SORD: variants seen among roughly 807,000 people sequenced by gnomAD.
SORD encodes (R,R)-butanediol dehydrogenase.
SORD carries 18 observed loss-of-function variants against 35.6 expected under a neutral mutation model. That is an observed-to-expected ratio of 0.51 (90% CI 0.35 to 0.75). SORD has a LOEUF of 0.75. Ranked by LOEUF, SORD falls within the 30% of genes least tolerant of loss-of-function variation. SORD has a pLI of 0.01. For synonymous variants in SORD, 106 were observed against 152.9 expected, an observed-to-expected ratio of 0.69 and a Z score of 2.26; for missense variants, 250 against 390.2, an observed-to-expected ratio of 0.64 and a Z score of 3.03.
At chr15:45,072,084 A>T (rs1893521583) in intron 7 of SORD, 1 of 72,182 alleles carries the variant, frequency 1.4e-5, no homozygotes, top group African/African-American at 6.4e-5. Flanking sequence ...TCCATGGGTT[A>T]AGTGTATGTT....
intron 3 of SORD, among the ~76,000 whole-genome samples, chr15:45,056,214 A>G (rs1893212076): frequency 6.6e-6 from 1 of 152,098 alleles, no homozygotes; most frequent in African/African-American, 2.4e-5. Flanking sequence ...CTGTTTGCAG[A>G]TGACATGATT....
At chr15:45,054,910 C>G (rs1893189313) in intron 3 of SORD, among the ~76,000 whole-genome samples, 1 of 152,070 alleles carries the variant, frequency 6.6e-6, no homozygotes, top group African/African-American at 2.4e-5. Flanking sequence ...GGAATCCTTT[C>G]CCCATTGTTT....
rs997507760 is a variant in SORD, at chr15:45,074,305, A to G, written c.*775A>G. ...AACATGCCCCAGCCCACCCCTAAGC[A>G]TGGTCCCTTGTCACCAGGCAACCAG... On this transcript the variant is annotated 3_prime_UTR_variant, in exon 9 of 9. Transcript: ENST00000267814. The G allele has an allele frequency of 6.8e-6, 1 of 146,494 alleles. No individual in the cohort carries two copies. The highest frequency in any genetic ancestry group is 1.5e-5 in the Non-Finnish European group (1 of 67,338). 9.1% of individuals were successfully genotyped at this position (146,494 alleles called of 1,614,324 possible).
rs1892616915 is a variant in SORD at position 45,023,226 on chromosome 15, C to T, written c.-58C>T. On this transcript the variant is annotated 5_prime_UTR_variant, in exon 1 of 9. Coordinates refer to ENST00000267814, the MANE Select transcript of SORD (RefSeq NM_003104.6). ...CTGGACCCTCGGCTGGGTAGCGCCA[C>T]CAGAGCGACCAAACGTCCCGCGCCT... 6.9e-7 allele frequency: 1 copy of T among 1,440,054 alleles called. No homozygotes were observed. The highest frequency in any genetic ancestry group is 9.3e-7 in the Non-Finnish European group (1 of 1,077,774). The allele number at this position is 1,440,054 out of a possible 1,614,324, so 89.2% of individuals were successfully genotyped here.
intron 1 of SORD, among the ~76,000 whole-genome samples, chr15:45,039,700 A>G (rs1892935019): frequency 6.6e-6 from 1 of 152,236 alleles, no homozygotes; most frequent in African/African-American, 2.4e-5. Flanking sequence ...TGGGAAGTTT[A>G]GGAAAAGAGG....
chr15:45,068,336 T>C, intron 6 of SORD, 90 bp downstream of exon 6: 4 of 935,332 alleles, frequency 4.3e-6, no homozygotes, highest in Non-Finnish European at 7.1e-6. Flanking sequence ...TCTGTGACAG[T>C]GTGGAGGGGG....
intron 3 of SORD, among the ~76,000 whole-genome samples, chr15:45,051,058 T>G (rs895175517): frequency 2.0e-5 from 3 of 152,244 alleles, no homozygotes; most frequent in Non-Finnish European, 4.4e-5. Flanking sequence ...AACCTGCATT[T>G]GAGAGCACCT....
At position 45,062,869 on chromosome 15, in the gene SORD, G is replaced by C. The variant is rs187808331; in HGVS notation, c.425+1643G>C. ...TCGCCTGTAAAATAGAAATAGTGAT[G>C]GTACCTCCCTCACAGAATTACTGAT... On this transcript the variant is annotated intron_variant, in intron 4 of 8. Transcript: ENST00000267814. Among the ~76,000 whole-genome samples, 31 of 137,404 alleles carry C rather than the reference G, an allele frequency of 2.3e-4. No homozygotes were observed. The East Asian group carries it at 5.2e-3, about 23-fold the overall frequency. The allele number at this position is 137,404 out of a possible 152,430, so 90.1% of individuals were successfully genotyped here. A position where few individuals can be genotyped will look rare whatever the true frequency, so the allele number is the denominator to read the frequency against.
intron 1 of SORD, among the ~76,000 whole-genome samples, chr15:45,034,651 G>A (rs1013007034): frequency 6.6e-6 from 1 of 152,242 alleles, no homozygotes; most frequent in Non-Finnish European, 1.5e-5. Context: ...GGGGATAGAA[G>A]GTGAGAGGTG....
chr15:45,056,739 T>TAC (rs1893223981), intron 3 of SORD, among the ~76,000 whole-genome samples: 1 of 152,254 alleles, frequency 6.6e-6, no homozygotes, highest in African/African-American at 2.4e-5. Context: ...GTACTTTTGG[T>TAC]ACATTGTGGC....
chr15:45,029,646 A>T (rs1210713806), intron 1 of SORD, among the ~76,000 whole-genome samples: 2 of 152,274 alleles, frequency 1.3e-5, no homozygotes, highest in African/African-American at 4.8e-5. Context: ...GTGAGGGGCA[A>T]AGGGCCAGTT....
chr15:45,042,672 T>G (rs1892986962), intron 2 of SORD, among the ~76,000 whole-genome samples: 1 of 152,166 alleles, frequency 6.6e-6, no homozygotes, highest in African/African-American at 2.4e-5. Flanking sequence ...GAAAGTTATC[T>G]TTTGGAAAAT....
intron 1 of SORD, among the ~76,000 whole-genome samples, chr15:45,027,279 T>C (rs1341113681): frequency 6.6e-6 from 1 of 152,264 alleles, no homozygotes; most frequent in Non-Finnish European, 1.5e-5. Context: ...TAAATGGAAA[T>C]AGTACGAAGT....
chr15:45,052,780 A>C (rs1383945171), intron 3 of SORD, among the ~76,000 whole-genome samples: 2 of 152,156 alleles, frequency 1.3e-5, no homozygotes, highest in African/African-American at 4.8e-5. Flanking sequence ...ACATCCAGTC[A>C]TGGATAAAAA....
At chr15:45,068,450 T>A (rs77117002) in intron 6 of SORD, among the ~76,000 whole-genome samples, 24,331 of 121,418 alleles carry the variant, frequency 0.2, 4,241 homozygotes, top group African/African-American at 0.47. Flanking sequence ...TGTGAGAGAG[T>A]GTGTGTGTGT....
rs183119546 is a variant in SORD, at chr15:45,062,151, T to A, written c.425+925T>A. ...AGTGGTTTGCATGCTTCAATTTATT[T>A]AATCTCCACAAGAATAATGCTGAGG... On this transcript the variant is annotated intron_variant, in intron 4 of 8. Coordinates refer to ENST00000267814, the MANE Select transcript of SORD (RefSeq NM_003104.6). Among the ~76,000 whole-genome samples, 50 of 152,062 alleles carry A rather than the reference T, an allele frequency of 3.3e-4. No individual in the cohort carries two copies. In the East Asian group the frequency reaches 8.3e-3, roughly 25 times the overall value.
At position 45,065,252 on chromosome 15, in the gene SORD, G is replaced by T; in HGVS notation, c.426-19G>T. On this transcript the variant is annotated intron_variant, in intron 4 of 8. Coordinates refer to ENST00000267814, the MANE Select transcript of SORD (RefSeq NM_003104.6). ...TGTAGTTAACTCAGAGGATCTCTGT[G>T]TGTCAATTGACTCCTCAGGCTTCCT... The T allele has an allele frequency of 6.4e-7, 1 of 1,566,190 alleles. No individual in the cohort carries two copies. Among genetic ancestry groups the T allele is most frequent in the South Asian group, 1.1e-5 (1 of 88,586 alleles).
In SORD at chr15:45,044,955, C is replaced by A. The variant is rs576735937; in HGVS notation, c.265+1534C>A. On this transcript the variant is annotated intron_variant, in intron 3 of 8. Transcript: ENST00000267814. ...TCAAGTGATCTGCCCACCTTTGCCT[C>A]CCAAACTGCTGTGATTACGGGCCTG... 3.3e-5 allele frequency among the ~76,000 whole-genome samples: 5 copies of A among 152,202 alleles called. No individual in the cohort carries two copies. In the South Asian group the frequency reaches 1.0e-3, roughly 32 times the overall value.
chr15:45,029,790 A>G (rs1301831660), intron 1 of SORD, among the ~76,000 whole-genome samples: 1 of 152,248 alleles, frequency 6.6e-6, no homozygotes, highest in Admixed American at 6.5e-5. Flanking sequence ...AATGGCTTTC[A>G]GCAGAGAAGG....
Sources: allele counts gnomAD v4.1 joint callset (sites outside exome capture counted in the v4.1 genomes callset), GRCh38; gene constraint gnomAD v4.1.1; transcripts MANE v1.5; gene names NCBI Gene and HGNC (gene_info 2026-07-23, HGNC 2026-07-21).